Variants in MFHAS1 observed in about 807,000 individuals in gnomAD.
MFHAS1 encodes the protein malignant fibrous histiocytoma-amplified sequence 1.
MFHAS1 carries 50 observed loss-of-function variants against 70.4 expected under a neutral mutation model. The ratio of observed to expected loss-of-function variants is 0.71; its 90% confidence interval spans 0.57 to 0.90. The LOEUF is 0.90. Ranked by LOEUF, MFHAS1 falls within the 40% of genes least tolerant of loss-of-function variation. MFHAS1 has a pLI of 0.00. For synonymous variants in MFHAS1, 952 were observed against 620.0 expected, an observed-to-expected ratio of 1.54 and a Z score of -7.96; for missense variants, 1,795 against 1,347.6, an observed-to-expected ratio of 1.33 and a Z score of -5.20.
intron 1 of MFHAS1, among the ~76,000 whole-genome samples, chr8:8,808,140 T>C (rs1482511383): frequency 2.0e-5 from 3 of 151,942 alleles, no homozygotes; most frequent in Non-Finnish European, 4.4e-5. Flanking sequence ...CTGGGAACCC[T>C]CCTCTGCCCA....
chr8:8,833,189 A>G (rs1420193141), intron 1 of MFHAS1, among the ~76,000 whole-genome samples: 1 of 151,738 alleles, frequency 6.6e-6, no homozygotes, highest in African/African-American at 2.4e-5. Flanking sequence ...ATTAGAGACC[A>G]CCCCCTGATC....
rs548541654 is a variant in MFHAS1 at position 8,807,413 on chromosome 8, T to C, written c.2999-9922A>G. Among the ~76,000 whole-genome samples the C allele has an allele frequency of 1.9e-3, 294 of 152,246 alleles. 2 individuals are homozygous for C. Among genetic ancestry groups the C allele is most frequent in the African/African-American group, 6.3e-3 (262 of 41,552 alleles). On this transcript the variant is annotated intron_variant, in intron 1 of 2. Coordinates refer to ENST00000276282, the MANE Select transcript of MFHAS1 (RefSeq NM_004225.3). The stretch of plus-strand genomic sequence containing the variant: ...CCATTCATTCTCCCTAATCCTCACT[T>C]ACTGCCTCTCAAAAGAGCTGTCTAC...
intron 1 of MFHAS1, among the ~76,000 whole-genome samples, chr8:8,883,273 C>A (rs1171256761): frequency 6.6e-6 from 1 of 152,200 alleles, no homozygotes; most frequent in Non-Finnish European, 1.5e-5. Flanking sequence ...CCCCAGGGAA[C>A]AGGGACGCCA....
intron 1 of MFHAS1, among the ~76,000 whole-genome samples, chr8:8,875,322 A>C (rs547534687): frequency 2.1e-4 from 32 of 152,356 alleles, no homozygotes; most frequent in African/African-American, 7.2e-4. Flanking sequence ...AAACAAAAAG[A>C]ACACAAGGTT....
At chr8:8,808,038 G>A (rs1806396080) in intron 1 of MFHAS1, among the ~76,000 whole-genome samples, 1 of 152,214 alleles carries the variant, frequency 6.6e-6, no homozygotes, top group Non-Finnish European at 1.5e-5. Flanking sequence ...CACCATTCTA[G>A]TAGCATGATG....
intron 1 of MFHAS1, among the ~76,000 whole-genome samples, chr8:8,863,221 T>G (rs2116893181): frequency 6.6e-6 from 1 of 152,348 alleles, no homozygotes; most frequent in Non-Finnish European, 1.5e-5. Context: ...CTGTCTTAAT[T>G]ACTATAGCCG....
At chr8:8,827,058 C>A (rs1023818186) in intron 1 of MFHAS1, among the ~76,000 whole-genome samples, 1 of 152,104 alleles carries the variant, frequency 6.6e-6, no homozygotes, top group African/African-American at 2.4e-5. Context: ...TCCCGTATAT[C>A]TTTTTAATTT....
chr8:8,792,085 A>C (rs1805736906), intron 2 of MFHAS1, among the ~76,000 whole-genome samples: 1 of 152,086 alleles, frequency 6.6e-6, no homozygotes, highest in Non-Finnish European at 1.5e-5. Context: ...CAAAAATACA[A>C]AAATTAGCCA....
rs776173643 is a variant in MFHAS1 at position 8,892,713 on chromosome 8, G to C, written c.346C>G (p.Leu116Val). The C allele has an allele frequency of 1.3e-6, 2 of 1,579,752 alleles. No individual in the cohort carries two copies. Among genetic ancestry groups the C allele is most frequent in the South Asian group, 2.3e-5 (2 of 86,770 alleles). Residue 116 changes from leucine to valine, a missense_variant, in exon 1 of 3, where the codon CTG (leucine) becomes GTG (valine). Leu to Val is a conservative substitution (Grantham distance 32, BLOSUM62 1). Coordinates refer to ENST00000276282, the MANE Select transcript of MFHAS1 (RefSeq NM_004225.3). This position sits in a 1 kb window ranked among gnomAD's most constrained non-coding sequence, Gnocchi z 4.7. ...GTCAGCCGGTTGTGGCTCACGTCCA[G>C]CTCGGTGAGGTGGTGGCCGAGCTCG... The part of the protein sequence containing the change: ...VAELGHHLTE[L>V]DVSHNRLTAL...
rs1307920584 is a variant in MFHAS1 at position 8,785,546 on chromosome 8, T to C, written c.*476A>G. ...GCTTCAAACTGTATAAATTTAAATG[T>C]ATTTGCATATTATAAAAATAAAGAT... On this transcript the variant is annotated 3_prime_UTR_variant, in exon 3 of 3. Transcript: ENST00000276282. 6.4e-6 allele frequency: 1 copy of C among 156,196 alleles called. No homozygotes were observed. Among genetic ancestry groups the C allele is most frequent in the African/African-American group, 2.4e-5 (1 of 41,478 alleles). The allele number at this position is 156,196 out of a possible 1,614,324, so 9.7% of individuals were successfully genotyped here.
At chr8:8,794,575 T>A (rs1200323628) in intron 2 of MFHAS1, among the ~76,000 whole-genome samples, 1 of 152,190 alleles carries the variant, frequency 6.6e-6, no homozygotes, top group African/African-American at 2.4e-5. Context: ...TTCTATAAAG[T>A]CACACAAGAG....
At chr8:8,802,329 G>A (rs1806108298) in intron 1 of MFHAS1, among the ~76,000 whole-genome samples, 2 of 152,192 alleles carry the variant, frequency 1.3e-5, no homozygotes, top group Non-Finnish European at 2.9e-5. Flanking sequence ...ATAGCATGAT[G>A]TTTAAATTAG....
chr8:8,871,266 G>C (rs1809065517), intron 1 of MFHAS1, among the ~76,000 whole-genome samples: 1 of 152,118 alleles, frequency 6.6e-6, no homozygotes, highest in Non-Finnish European at 1.5e-5. Context: ...AAAACTACTT[G>C]CAGCTGGGCG....
chr8:8,802,374 C>G (rs539841051), intron 1 of MFHAS1, among the ~76,000 whole-genome samples: 24 of 152,336 alleles, frequency 1.6e-4, no homozygotes, highest in African/African-American at 5.5e-4. Context: ...AACACTGTAT[C>G]TGGCACCTAG....
At chr8:8,790,377 C>G (rs902788976) in intron 2 of MFHAS1, 3 of 984,934 alleles carry the variant, frequency 3.0e-6, no homozygotes, top group East Asian at 1.1e-4. Context: ...AAAATGATGG[C>G]ATAAGGAAAA....
At chr8:8,876,410 G>C (rs920704721) in intron 1 of MFHAS1, among the ~76,000 whole-genome samples, 2 of 152,074 alleles carry the variant, frequency 1.3e-5, no homozygotes, top group African/African-American at 4.8e-5. Flanking sequence ...GGCAAGGGAA[G>C]ACAAACTCAA....
chr8:8,846,983 CAATA>C (rs1209043624), intron 1 of MFHAS1, among the ~76,000 whole-genome samples: 3 of 152,264 alleles, frequency 2.0e-5, no homozygotes, highest in Admixed American at 6.5e-5. Context: ...ATGCCAGACA[CAATA>C]AATATTTGTT....
intron 1 of MFHAS1, among the ~76,000 whole-genome samples, chr8:8,804,857 C>G (rs1285934935): frequency 6.6e-6 from 1 of 152,222 alleles, no homozygotes; most frequent in Non-Finnish European, 1.5e-5. Context: ...CACCTGGAGC[C>G]CATGACCTCA....
chr8:8,792,456 A>T (rs1294842136), intron 2 of MFHAS1, among the ~76,000 whole-genome samples: 1 of 152,264 alleles, frequency 6.6e-6, no homozygotes, highest in East Asian at 1.9e-4. Context: ...AAAATAAAAA[A>T]TTAGCTAGGT....
Sources: gnomAD v4.1 joint callset for allele counts (sites outside exome capture counted in the v4.1 genomes callset) on GRCh38, gnomAD v4.1.1 for gene constraint, Gnocchi (gnomAD v3.1) non-coding constraint, MANE v1.5 for transcripts, NCBI Gene and HGNC (gene_info 2026-07-23, HGNC 2026-07-21) for gene names.